DOK6: variants seen among roughly 807,000 people sequenced by gnomAD.
DOK6 encodes the protein docking protein 6.
A neutral mutation model predicts 44.0 loss-of-function variants in DOK6; 22 were observed. The ratio of observed to expected loss-of-function variants is 0.50; its 90% CI spans 0.36 to 0.71. The LOEUF (loss-of-function observed/expected upper bound fraction) is 0.71. Ranked by LOEUF, DOK6 falls within the 30% of genes least tolerant of loss-of-function variation. The probability of loss-of-function intolerance (pLI) is 0.00; values close to 1 mark genes in which losing one functional copy is unlikely to be tolerated. For missense variants in DOK6, 340 were observed against 416.4 expected (o/e 0.82, Z 1.60); for synonymous variants, 166 against 145.5 (o/e 1.14, Z -1.01).
intron 3 of DOK6, among the ~76,000 whole-genome samples, chr18:69,617,504 GAGAA>G (rs1417542133): frequency 7.4e-5 from 10 of 134,680 alleles, no homozygotes; most frequent in African/African-American, 1.7e-4. Flanking sequence ...AAGAAAGAAA[GAGAA>G]AGAAAGAAAA....
intron 1 of DOK6, among the ~76,000 whole-genome samples, chr18:69,511,384 G>T (rs1220641134): frequency 6.6e-6 from 1 of 152,132 alleles, no homozygotes; most frequent in Admixed American, 6.5e-5. Context: ...TCTTTTAGGA[G>T]ATGAGATCTA....
At chr18:69,558,673 T>TA (rs1982750178) in intron 1 of DOK6, among the ~76,000 whole-genome samples, 2 of 152,148 alleles carry the variant, frequency 1.3e-5, no homozygotes, top group African/African-American at 4.8e-5. Flanking sequence ...ACAATATACC[T>TA]AACCATTAGA....
intron 7 of DOK6, 45 bp downstream of exon 7, chr18:69,757,918 T>C: frequency 6.6e-7 from 1 of 1,516,372 alleles, no homozygotes; most frequent in Non-Finnish European, 9.2e-7. Flanking sequence ...ATAAGCTTCC[T>C]CCAGGTGGAC....
intron 3 of DOK6, among the ~76,000 whole-genome samples, chr18:69,626,429 A>G (rs1984558739): frequency 6.6e-6 from 1 of 152,218 alleles, no homozygotes. Flanking sequence ...TCATCAAGTC[A>G]GAAAATACAT....
chr18:69,464,039 C>T (rs1979860852), intron 1 of DOK6, among the ~76,000 whole-genome samples: 1 of 152,186 alleles, frequency 6.6e-6, no homozygotes, highest in African/African-American at 2.4e-5. Context: ...CTACACCTGA[C>T]AGCATAAAGA....
At chr18:69,487,597 G>A (rs1568273789) in intron 1 of DOK6, among the ~76,000 whole-genome samples, 1 of 152,128 alleles carries the variant, frequency 6.6e-6, no homozygotes, top group Non-Finnish European at 1.5e-5. Context: ...TTACCCCTTT[G>A]CTGAGGAATG....
At chr18:69,768,528 T>C (rs1406308478) in intron 7 of DOK6, among the ~76,000 whole-genome samples, 5 of 151,476 alleles carry the variant, frequency 3.3e-5, no homozygotes, top group Non-Finnish European at 7.4e-5. Flanking sequence ...CTCATCTCTG[T>C]CTCTGGCCCT....
At chr18:69,445,797 G>A (rs951506897) in intron 1 of DOK6, among the ~76,000 whole-genome samples, 5 of 152,128 alleles carry the variant, frequency 3.3e-5, no homozygotes, top group African/African-American at 9.6e-5. Context: ...GACACGGGAG[G>A]ATCACTTGAG....
At chr18:69,744,925 TAAAAA>T (rs58133144) in intron 6 of DOK6, among the ~76,000 whole-genome samples, 4 of 89,808 alleles carry the variant, frequency 4.5e-5, no homozygotes, top group Non-Finnish European at 6.1e-5. Flanking sequence ...ACACTCCATC[TAAAAA>T]AAAAAAAAAA....
chr18:69,717,439 G>C (rs1986909295), intron 5 of DOK6, among the ~76,000 whole-genome samples: 1 of 152,182 alleles, frequency 6.6e-6, no homozygotes, highest in Non-Finnish European at 1.5e-5. Flanking sequence ...TAGAGCGCAT[G>C]GGTGATTGTT....
chr18:69,678,113 G>T (rs1599258563), intron 4 of DOK6, among the ~76,000 whole-genome samples: 1 of 152,078 alleles, frequency 6.6e-6, no homozygotes, highest in Non-Finnish European at 1.5e-5. Context: ...GCTGGGTGTG[G>T]TGGCCCGCAC....
At chr18:69,418,816 A>G (rs1978407813) in intron 1 of DOK6, among the ~76,000 whole-genome samples, 1 of 152,132 alleles carries the variant, frequency 6.6e-6, no homozygotes, top group Non-Finnish European at 1.5e-5. Context: ...ATTTAATGCC[A>G]GTCAAGAAAT....
chr18:69,542,341 T>C (rs1982291682), intron 1 of DOK6, among the ~76,000 whole-genome samples: 1 of 151,464 alleles, frequency 6.6e-6, no homozygotes, highest in Admixed American at 6.6e-5. Flanking sequence ...TGGGTGTGGC[T>C]TAAACTATGT....
At chr18:69,732,940 T>G (rs559300894) in intron 5 of DOK6, among the ~76,000 whole-genome samples, 208 of 152,288 alleles carry the variant, frequency 1.4e-3, no homozygotes, top group South Asian at 4.6e-3. Context: ...TGACCCACAA[T>G]TTTTAACAGG....
At chr18:69,444,787 G>C (rs1329890232) in intron 1 of DOK6, among the ~76,000 whole-genome samples, 1 of 151,518 alleles carries the variant, frequency 6.6e-6, no homozygotes, top group East Asian at 1.9e-4. Flanking sequence ...TTGAAATTGA[G>C]AAATATGAGT....
intron 3 of DOK6, among the ~76,000 whole-genome samples, chr18:69,620,044 A>G (rs560533835): frequency 6.6e-6 from 1 of 152,290 alleles, no homozygotes; most frequent in East Asian, 1.9e-4. Flanking sequence ...TAATAATATT[A>G]CAAACACTTG....
At chr18:69,781,778 T>C (rs1330848334) in intron 7 of DOK6, among the ~76,000 whole-genome samples, 1 of 152,166 alleles carries the variant, frequency 6.6e-6, no homozygotes, top group Non-Finnish European at 1.5e-5. Flanking sequence ...AATTGTGAAG[T>C]TTTTCCTGTT....
chr18:69,446,469 G>C (rs1979296205), intron 1 of DOK6, among the ~76,000 whole-genome samples: 1 of 151,908 alleles, frequency 6.6e-6, no homozygotes, highest in East Asian at 1.9e-4. Context: ...TTGGACATTT[G>C]GGTTGGTTCC....
intron 4 of DOK6, among the ~76,000 whole-genome samples, chr18:69,690,517 C>G (rs1986241373): frequency 6.6e-6 from 1 of 152,056 alleles, no homozygotes; most frequent in Non-Finnish European, 1.5e-5. Flanking sequence ...TGAAGAGTGA[C>G]CACTGCAATA....
Sources: allele counts gnomAD v4.1 joint callset (sites outside exome capture counted in the v4.1 genomes callset), GRCh38; gene constraint gnomAD v4.1.1; transcripts MANE v1.5; gene names NCBI Gene and HGNC (gene_info 2026-07-23, HGNC 2026-07-21).